RBFOX1: variants seen among roughly 807,000 people sequenced by gnomAD.
The protein encoded by RBFOX1 is RNA binding fox-1 homolog 1, also known as RNA binding protein fox-1 homolog 1.
A neutral mutation model predicts 57.7 loss-of-function variants in RBFOX1; 8 were observed. The observed-to-expected ratio is 0.14, with a 90% CI of 0.08 to 0.25. The LOEUF (loss-of-function observed/expected upper bound fraction) is 0.25, where lower values mean the gene tolerates loss of function less well. RBFOX1 is among the 10% of genes least tolerant of loss of function. RBFOX1 has a pLI of 1.00. For synonymous variants in RBFOX1, 326 were observed against 222.4 expected (o/e 1.47, Z -4.15); for missense variants, 611 against 548.5 (o/e 1.11, Z -1.14).
intron 4 of RBFOX1, among the ~76,000 whole-genome samples, chr16:7,225,041 C>T (rs988595565): frequency 4.6e-5 from 7 of 152,136 alleles, no homozygotes; most frequent in South Asian, 2.1e-4. Context: ...AAGTTGTTGC[C>T]GGAGTTAAAT....
At chr16:6,816,230 G>A (rs114712925) in intron 3 of RBFOX1, among the ~76,000 whole-genome samples, 3,344 of 152,218 alleles carry the variant, frequency 0.022, 134 homozygotes, top group African/African-American at 0.076. Flanking sequence ...GATTGCTTCA[G>A]TACTGGAGTT....
intron 1 of RBFOX1, among the ~76,000 whole-genome samples, chr16:5,354,866 G>T (rs1378914639): frequency 6.6e-6 from 1 of 152,248 alleles, no homozygotes; most frequent in East Asian, 1.9e-4. Flanking sequence ...GGCAGCTGTG[G>T]AGGGTGTTGG....
At chr16:5,702,720 G>T (rs1170300010) in intron 3 of RBFOX1, among the ~76,000 whole-genome samples, 1 of 152,152 alleles carries the variant, frequency 6.6e-6, no homozygotes, top group Non-Finnish European at 1.5e-5. Flanking sequence ...TAGTGGTGTT[G>T]ACCTCATAAA....
intron 2 of RBFOX1, among the ~76,000 whole-genome samples, chr16:6,332,128 A>C (rs367630338): frequency 1.3e-5 from 2 of 152,222 alleles, no homozygotes; most frequent in African/African-American, 4.8e-5. Flanking sequence ...GAAAGTGCTA[A>C]TATGTGGATG....
chr16:5,867,862 C>T (rs1371156354), intron 4 of RBFOX1, among the ~76,000 whole-genome samples: 2 of 152,002 alleles, frequency 1.3e-5, no homozygotes, highest in African/African-American at 2.4e-5. Flanking sequence ...CAGGTGTGCA[C>T]CGCCACGCCT....
intron 4 of RBFOX1, among the ~76,000 whole-genome samples, chr16:7,216,566 C>T (rs2092080155): frequency 6.6e-6 from 1 of 152,016 alleles, no homozygotes; most frequent in South Asian, 2.1e-4. Flanking sequence ...GGGTGTAGCA[C>T]AGAATTGCTT....
intron 5 of RBFOX1, among the ~76,000 whole-genome samples, chr16:7,578,280 C>T (rs1220853209): frequency 2.6e-5 from 4 of 152,224 alleles, no homozygotes; most frequent in African/African-American, 9.6e-5. Context: ...CACTGTACTG[C>T]TTCCTATTCA....
At chr16:6,087,036 T>C (rs1301347364) in intron 1 of RBFOX1, among the ~76,000 whole-genome samples, 2 of 152,166 alleles carry the variant, frequency 1.3e-5, no homozygotes, top group Non-Finnish European at 2.9e-5. Flanking sequence ...TGAGTGGTGA[T>C]GTGGAGTGAG....
chr16:7,422,371 C>G (rs1015330127), intron 4 of RBFOX1, among the ~76,000 whole-genome samples: 2 of 152,098 alleles, frequency 1.3e-5, no homozygotes, highest in African/African-American at 4.8e-5. Context: ...GAAATGGCGG[C>G]AAGCAATCGG....
intron 3 of RBFOX1, among the ~76,000 whole-genome samples, chr16:5,851,839 A>C (rs1324001559): frequency 6.6e-6 from 1 of 152,164 alleles, no homozygotes; most frequent in Non-Finnish European, 1.5e-5. Context: ...TTGCTGAGTC[A>C]GTGGGTGAGT....
intron 1 of RBFOX1, among the ~76,000 whole-genome samples, chr16:5,427,048 C>G (rs73522549): frequency 6.6e-6 from 1 of 151,974 alleles, no homozygotes; most frequent in Admixed American, 6.5e-5. Flanking sequence ...GTTTTTTTGG[C>G]TTTTACCTCA....
intron 4 of RBFOX1, among the ~76,000 whole-genome samples, chr16:5,939,522 A>T (rs1418842543): frequency 1.3e-5 from 2 of 152,216 alleles, no homozygotes; most frequent in East Asian, 3.9e-4. Flanking sequence ...GCATCCTCAC[A>T]ACATGGCTGC....
In RBFOX1 at chr16:6,856,461, G is replaced by A. The variant is rs566148108; in HGVS notation, c.-15-195596G>A. Among the ~76,000 whole-genome samples, 5 of 152,196 alleles carry A rather than the reference G, an allele frequency of 3.3e-5. No homozygotes were observed. The East Asian group carries it at 9.7e-4, about 30-fold the overall frequency. On this transcript the variant is annotated intron_variant, in intron 3 of 15. Coordinates refer to ENST00000550418, the MANE Select transcript of RBFOX1 (RefSeq NM_018723.4). ...AGACAGCAGGACCACCTGAGCCACT[G>A]ACCTTTAAACCCAGGATATAAAGGT...
chr16:6,226,628 T>C (rs2097420549), intron 1 of RBFOX1, among the ~76,000 whole-genome samples: 1 of 152,092 alleles, frequency 6.6e-6, no homozygotes, highest in African/African-American at 2.4e-5. Context: ...GAATTACTCA[T>C]TGAAAGCATT....
At chr16:6,160,588 C>T (rs2096870985) in intron 1 of RBFOX1, among the ~76,000 whole-genome samples, 1 of 152,162 alleles carries the variant, frequency 6.6e-6, no homozygotes, top group South Asian at 2.1e-4. Context: ...CAGCCCGAGT[C>T]ATGCTTTAAA....
At chr16:5,733,399 G>C (rs2052454113) in intron 3 of RBFOX1, among the ~76,000 whole-genome samples, 1 of 152,170 alleles carries the variant, frequency 6.6e-6, no homozygotes, top group Admixed American at 6.5e-5. Context: ...CACATTGCCA[G>C]GTGATCCGAA....
At chr16:6,310,339 A>T (rs906502705) in intron 1 of RBFOX1, among the ~76,000 whole-genome samples, 1 of 152,224 alleles carries the variant, frequency 6.6e-6, no homozygotes, top group African/African-American at 2.4e-5. Flanking sequence ...ATGGCTTATG[A>T]TACTAGGCTA....
chr16:6,637,850 T>G (rs965852765), intron 2 of RBFOX1, among the ~76,000 whole-genome samples: 1 of 152,074 alleles, frequency 6.6e-6, no homozygotes, highest in Non-Finnish European at 1.5e-5. Context: ...ATTACAATTC[T>G]GAAACTCATC....
intron 4 of RBFOX1, among the ~76,000 whole-genome samples, chr16:7,177,761 G>A (rs921249587): frequency 2.0e-5 from 3 of 152,152 alleles, no homozygotes; most frequent in South Asian, 4.1e-4. Context: ...TTTGGTCTCC[G>A]CTGCAACTCC....
Sources: allele counts gnomAD v4.1 joint callset (sites outside exome capture counted in the v4.1 genomes callset), GRCh38; gene constraint gnomAD v4.1.1; transcripts MANE v1.5; gene names NCBI Gene and HGNC (gene_info 2026-07-23, HGNC 2026-07-21).